The following CTNNA3 variants were observed in gnomAD, a reference collection of about 807,000 sequenced individuals.
The protein encoded by CTNNA3 is catenin alpha 3, also known as catenin alpha-3.
In CTNNA3, 76 loss-of-function variants were observed where a neutral mutation model predicts 95.7. The ratio of observed to expected loss-of-function variants is 0.79; its 90% CI spans 0.66 to 0.96. The LOEUF (loss-of-function observed/expected upper bound fraction) is 0.96. CTNNA3 is among the 40% of genes least tolerant of loss of function. CTNNA3 has a pLI of 0.00. For synonymous variants in CTNNA3, 431 were observed against 374.4 expected, an observed-to-expected ratio of 1.15 and a Z score of -1.74; for missense variants, 1,191 against 1,089.8, an observed-to-expected ratio of 1.09 and a Z score of -1.31.
intron 11 of CTNNA3, among the ~76,000 whole-genome samples, chr10:66,430,406 A>AAAG (rs2093283858): frequency 6.6e-6 from 1 of 152,210 alleles, no homozygotes; most frequent in African/African-American, 2.4e-5. Flanking sequence ...AAGCTACTTT[A>AAAG]AAGTTCATAT....
chr10:67,023,353 C>T (rs1190213767), intron 7 of CTNNA3, among the ~76,000 whole-genome samples: 2 of 152,088 alleles, frequency 1.3e-5, no homozygotes, highest in African/African-American at 2.4e-5. Context: ...TTCCTCATGG[C>T]TTTTCATGCT....
chr10:66,430,876 T>C (rs183331936), intron 11 of CTNNA3, among the ~76,000 whole-genome samples: 49 of 152,146 alleles, frequency 3.2e-4, no homozygotes, highest in African/African-American at 1.2e-3. Context: ...CCAAAAGCAA[T>C]GGCAACAAGA....
chr10:67,423,065 A>G (rs2132873224), intron 5 of CTNNA3, among the ~76,000 whole-genome samples: 1 of 152,284 alleles, frequency 6.6e-6, no homozygotes, highest in African/African-American at 2.4e-5. Flanking sequence ...TTATTTGAAT[A>G]TATTAAGGAA....
At chr10:67,254,437 T>G (rs1375159183) in intron 5 of CTNNA3, among the ~76,000 whole-genome samples, 1 of 152,150 alleles carries the variant, frequency 6.6e-6, no homozygotes, top group African/African-American at 2.4e-5. Context: ...TTATTGACAA[T>G]AACAGAAACA....
chr10:66,933,876 C>A (rs1474850110), intron 7 of CTNNA3, among the ~76,000 whole-genome samples: 1 of 152,118 alleles, frequency 6.6e-6, no homozygotes, highest in Non-Finnish European at 1.5e-5. Context: ...AAATGTTTGT[C>A]ATTTAAGAAG....
Position 67,726,174 on chromosome 10 carries a change from AAT to A in CTNNA3, c.-2+37258_-2+37259del, listed in dbSNP as rs1180540234. The stretch of plus-strand genomic sequence containing the variant: ...ATTATAATATATAATCTTATATAAT[AAT>A]ATATATTATTATAATATATAATATA... On this transcript the variant is annotated intron_variant, in intron 1 of 17. Coordinates refer to the CTNNA3 transcript ENST00000684154. 2.0e-4 allele frequency among the ~76,000 whole-genome samples: 20 copies of A among 99,308 alleles called. No individual in the cohort carries two copies. In the East Asian group the frequency reaches 3.3e-3, roughly 16 times the overall value. 65.1% of individuals were successfully genotyped at this position (99,308 alleles called of 152,430 possible). A position where few individuals can be genotyped will look rare whatever the true frequency, so the allele number is the denominator to read the frequency against.
intron 7 of CTNNA3, among the ~76,000 whole-genome samples, chr10:66,848,042 A>G (rs984770499): frequency 2.0e-5 from 3 of 152,140 alleles, no homozygotes; most frequent in African/African-American, 7.2e-5. Context: ...TGAACATGCT[A>G]TATGTGGAGA....
chr10:66,598,471 G>A (rs1004685247), intron 10 of CTNNA3, among the ~76,000 whole-genome samples: 1 of 151,926 alleles, frequency 6.6e-6, no homozygotes, highest in African/African-American at 2.4e-5. Context: ...AAGTCAAATT[G>A]TTCTTGTTTG....
chr10:67,160,466 C>G lies in CTNNA3; in HGVS notation c.1047+19851G>C, dbSNP rs564622299. Among the ~76,000 whole-genome samples, 12 of 113,082 alleles carry G rather than the reference C, an allele frequency of 1.1e-4. No homozygotes were observed. The South Asian group carries it at 3.4e-3, about 32-fold the overall frequency. 74.2% of individuals were successfully genotyped at this position (113,082 alleles called of 152,430 possible). On this transcript the variant is annotated intron_variant, in intron 7 of 17. Transcript: ENST00000433211. ...TTTTTTTTTTTTTTTGAGACAGGGT[C>G]TTGCTCTGTCCCCCGGGCTGGAGTG... is the stretch of plus-strand genomic sequence containing the variant.
intron 6 of CTNNA3, among the ~76,000 whole-genome samples, chr10:67,208,900 A>G (rs56800262): frequency 0.05 from 7,595 of 152,294 alleles, 243 homozygotes; most frequent in South Asian, 0.11. Context: ...AAGAATATCA[A>G]TATTAATACC....
intron 5 of CTNNA3, among the ~76,000 whole-genome samples, chr10:67,459,025 TA>T (rs1847278220): frequency 6.6e-6 from 1 of 152,188 alleles, no homozygotes; most frequent in Non-Finnish European, 1.5e-5. Context: ...ACAATAGTTT[TA>T]AGAAGGTGAA....
At chr10:66,288,097 G>A (rs1348295821) in intron 12 of CTNNA3, among the ~76,000 whole-genome samples, 1 of 152,038 alleles carries the variant, frequency 6.6e-6, no homozygotes, top group South Asian at 2.1e-4. Context: ...TTTATATGCA[G>A]ATATAAACAT....
At chr10:66,680,096 G>A (rs566503291) in intron 9 of CTNNA3, among the ~76,000 whole-genome samples, 36 of 152,098 alleles carry the variant, frequency 2.4e-4, no homozygotes, top group African/African-American at 8.4e-4. Context: ...GGGTTCAAGC[G>A]ATTGTCCTGC....
intron 5 of CTNNA3, among the ~76,000 whole-genome samples, chr10:67,248,127 G>C (rs896548354): frequency 2.6e-5 from 4 of 152,076 alleles, no homozygotes; most frequent in Non-Finnish European, 5.9e-5. Context: ...TTCAAAACCA[G>C]CCTGGGCAAC....
chr10:67,499,771 T>C (rs190895166), intron 5 of CTNNA3, among the ~76,000 whole-genome samples: 153 of 152,292 alleles, frequency 1.0e-3, no homozygotes, highest in African/African-American at 3.4e-3. Flanking sequence ...GTGGGATCGG[T>C]GGTGATATCC....
At chr10:66,579,405 G>A (rs543412384) in intron 10 of CTNNA3, among the ~76,000 whole-genome samples, 111 of 151,842 alleles carry the variant, frequency 7.3e-4, no homozygotes, top group Non-Finnish European at 1.3e-3. Flanking sequence ...GCAAACTGAC[G>A]TGTGACTTTT....
At chr10:66,534,641 T>C (rs1174835788) in intron 10 of CTNNA3, among the ~76,000 whole-genome samples, 1 of 150,056 alleles carries the variant, frequency 6.7e-6, no homozygotes, top group Non-Finnish European at 1.5e-5. Flanking sequence ...GGCAACCCAA[T>C]CTTTGTATCT....
chr10:67,268,517 A>T (rs1866926834), intron 5 of CTNNA3, among the ~76,000 whole-genome samples: 1 of 151,996 alleles, frequency 6.6e-6, no homozygotes, highest in Non-Finnish European at 1.5e-5. Context: ...CAGCCTCTGA[A>T]CAAACAAACA....
At chr10:67,240,026 A>G (rs1409463906) in intron 5 of CTNNA3, among the ~76,000 whole-genome samples, 1 of 152,226 alleles carries the variant, frequency 6.6e-6, no homozygotes, top group Non-Finnish European at 1.5e-5. Context: ...TTACGAAGCT[A>G]CATTCCTGCC....
Sources: allele counts gnomAD v4.1 joint callset (sites outside exome capture counted in the v4.1 genomes callset), GRCh38; gene constraint gnomAD v4.1.1; transcripts MANE v1.5; gene names NCBI Gene and HGNC (gene_info 2026-07-23, HGNC 2026-07-21).